GNL2: variants seen among roughly 807,000 people sequenced by gnomAD.
The protein encoded by GNL2 is G protein nucleolar 2.
GNL2 carries 51 observed loss-of-function variants against 92.3 expected under a neutral mutation model. The observed-to-expected ratio is 0.55, with a 90% CI of 0.44 to 0.70. The LOEUF is 0.70. GNL2 is among the 30% of genes least tolerant of loss of function. The pLI, the probability that GNL2 is intolerant of heterozygous loss-of-function variation, is 0.00. For synonymous variants in GNL2, 283 were observed against 300.6 expected, an observed-to-expected ratio of 0.94 and a Z score of 0.61; for missense variants, 844 against 895.6, an observed-to-expected ratio of 0.94 and a Z score of 0.74.
chr1:37,573,904 T>A (rs1025406303), intron 12 of GNL2, among the ~76,000 whole-genome samples: 3 of 152,184 alleles, frequency 2.0e-5, no homozygotes, highest in Admixed American at 6.5e-5. Flanking sequence ...AATTTTTTTT[T>A]ATTTTTTTGA....
At chr1:37,579,722 C>A (rs1445434451) in intron 8 of GNL2, among the ~76,000 whole-genome samples, 4 of 151,172 alleles carry the variant, frequency 2.6e-5, no homozygotes, top group Non-Finnish European at 4.4e-5. Flanking sequence ...ATGGTGAAAA[C>A]CCGTCTCTAC....
intron 12 of GNL2, among the ~76,000 whole-genome samples, chr1:37,572,786 C>T (rs1276910772): frequency 6.6e-6 from 1 of 152,168 alleles, no homozygotes; most frequent in Non-Finnish European, 1.5e-5. Context: ...GTTAGCCGGG[C>T]GTAAGTGTGG....
At chr1:37,572,431 C>T (rs544372664) in intron 12 of GNL2, among the ~76,000 whole-genome samples, 7 of 152,226 alleles carry the variant, frequency 4.6e-5, no homozygotes, top group African/African-American at 1.4e-4. Flanking sequence ...AGCACTTGAC[C>T]ACATGGTTGG....
intron 8 of GNL2, chr1:37,581,333 G>A (rs1329543104): frequency 2.2e-6 from 1 of 455,892 alleles, no homozygotes; most frequent in Non-Finnish European, 4.4e-6. Context: ...AATTCAAAAT[G>A]ACAGGTACAG....
chr1:37,579,103 A>G (rs1298523546), intron 8 of GNL2, among the ~76,000 whole-genome samples: 1 of 152,250 alleles, frequency 6.6e-6, no homozygotes, highest in African/African-American at 2.4e-5. Context: ...TGCAGACAGG[A>G]AAATTTCAAA....
chr1:37,575,554 C>G lies in GNL2; in HGVS notation c.1143+41G>C. 1 of 1,220,352 alleles carries G rather than the reference C, an allele frequency of 8.2e-7. No homozygotes were observed. The highest frequency in any genetic ancestry group is 1.2e-6 in the Non-Finnish European group (1 of 863,350). 75.6% of individuals were successfully genotyped at this position (1,220,352 alleles called of 1,614,324 possible). A position where few individuals can be genotyped will look rare whatever the true frequency, so the allele number is the denominator to read the frequency against. ...TATCCAGGGTTCCCTATAGAACACT[C>G]CCCCGCAAACACAAACAGCCTATCA... is the stretch of plus-strand genomic sequence containing the variant. On this transcript the variant is annotated intron_variant, in intron 10 of 15. Coordinates refer to ENST00000373062, the MANE Select transcript of GNL2 (RefSeq NM_013285.3). This position sits in a 1 kb window ranked among gnomAD's most constrained non-coding sequence, Gnocchi z 4.1.
chr1:37,578,316 G>A (rs573132063), intron 8 of GNL2, among the ~76,000 whole-genome samples: 9 of 151,964 alleles, frequency 5.9e-5, no homozygotes, highest in African/African-American at 2.2e-4. Flanking sequence ...GTGCTTGCCT[G>A]TACTCCCAGC....
rs1311296396 is a variant in GNL2 at position 37,576,548 on chromosome 1, A to G, written c.918T>C (p.Thr306=). The change falls in exon 9 of 16, where the codon ACT becomes ACC. Residue 306 remains threonine, a synonymous_variant. Transcript: ENST00000373062. ...QLLRQFGKLH[T]DKKQISVGFI... Reference sequence around the variant, plus strand: ...ACCCAACACTGATCTGTTTCTTGTCAGTGTGCAACTGTTCAAAGAGAGAAT... The same window carrying G: ...ACCCAACACTGATCTGTTTCTTGTCGGTGTGCAACTGTTCAAAGAGAGAAT... 6 of 1,613,770 alleles carry G rather than the reference A, an allele frequency of 3.7e-6. No individual in the cohort carries two copies. The highest frequency in any genetic ancestry group is 4.2e-6 in the Non-Finnish European group (5 of 1,179,928).
In GNL2 at chr1:37,587,990, A is replaced by C. The variant is rs149769189; in HGVS notation, c.385-495T>G. On this transcript the variant is annotated intron_variant, in intron 4 of 15. Transcript: ENST00000373062. Reference sequence around the variant, plus strand: ...AATGCCAACTTTTTCTTGGAAGTTAATTTCTTTCATGGCTAAAAGGAATTG... The same window carrying C: ...AATGCCAACTTTTTCTTGGAAGTTACTTTCTTTCATGGCTAAAAGGAATTG... Among the ~76,000 whole-genome samples the C allele has an allele frequency of 5.4e-3, 817 of 152,284 alleles. 5 individuals carry two copies. Among genetic ancestry groups the C allele is most frequent in the African/African-American group, 0.018 (748 of 41,560 alleles).
intron 12 of GNL2, 90 bp downstream of exon 12, chr1:37,574,253 T>C (rs1643639810): frequency 1.4e-6 from 1 of 693,528 alleles, no homozygotes; most frequent in African/African-American, 1.8e-5. Flanking sequence ...GCTGAATGAA[T>C]ACACGCTCTA....
rs1643921275 is a variant in GNL2, at chr1:37,595,910, C to A, written c.-88G>T. On this transcript the variant is annotated 5_prime_UTR_variant, in exon 1 of 16. Transcript: ENST00000373062. ...GTTCCCAAGCCCGGCCGAAGACACC[C>A]GCCTGAACCACGCCGGACCACGTGT... is the stretch of plus-strand genomic sequence containing the variant. The A allele has an allele frequency of 1.8e-6, 2 of 1,097,272 alleles. No homozygotes were observed. Among genetic ancestry groups the A allele is most frequent in the Admixed American group, 1.8e-5 (1 of 55,878 alleles). 68.0% of individuals were successfully genotyped at this position (1,097,272 alleles called of 1,614,324 possible).
chr1:37,568,094 AAAT>A (rs2148126355), intron 14 of GNL2, 178 bp downstream of exon 14: 2 of 599,468 alleles, frequency 3.3e-6, no homozygotes, highest in African/African-American at 1.9e-5. Flanking sequence ...TAATCCTAAA[AAAT>A]GTGCAGAATG....
chr1:37,590,117 T>G (rs574720564), intron 4 of GNL2, among the ~76,000 whole-genome samples: 11 of 152,064 alleles, frequency 7.2e-5, no homozygotes, highest in Non-Finnish European at 7.4e-5. Flanking sequence ...ATACTTTCTG[T>G]TTTTTTTAGA....
intron 1 of GNL2, among the ~76,000 whole-genome samples, chr1:37,594,417 T>C (rs1643908955): frequency 6.6e-6 from 1 of 152,226 alleles, no homozygotes; most frequent in Non-Finnish European, 1.5e-5. Context: ...TGATTTTTGT[T>C]TAATCAACAC....
Position 37,592,798 on chromosome 1 carries a change from C to A in GNL2, c.158G>T (p.Arg53Leu). Residue 53 changes from arginine to leucine, a missense_variant, in exon 3 of 16, where the codon CGT becomes CTT. Transcript: ENST00000373062. ...TTGCAGGGGTTTAATTATTTTACCACGACTGTTCCTAAATTGAGGAAAGAA... is the reference window on the plus strand; with the variant it reads ...TTGCAGGGGTTTAATTATTTTACCAAGACTGTTCCTAAATTGAGGAAAGAA... ...MYRQKERRNS[R>L]GKIIKPLQYQ... 1 of 1,590,054 alleles carries A rather than the reference C, an allele frequency of 6.3e-7. No homozygotes were observed. The highest frequency in any genetic ancestry group is 8.6e-7 in the Non-Finnish European group (1 of 1,158,228).
intron 3 of GNL2, 85 bp downstream of exon 3, chr1:37,592,626 CT>C: frequency 1.3e-6 from 1 of 744,930 alleles, no homozygotes; most frequent in Non-Finnish European, 2.4e-6. Flanking sequence ...TCACCAAAAA[CT>C]CCTGCTGTTT....
In GNL2 at chr1:37,575,107, T is replaced by C. The variant is rs1478500581; in HGVS notation, c.1144-284A>G. ...ACTTGGAATGCTTCATGTTACTCAC[T>C]TGCAGAAATGGTTAAAAGCCTGCCC... On this transcript the variant is annotated intron_variant, in intron 10 of 15. Coordinates refer to ENST00000373062, the MANE Select transcript of GNL2 (RefSeq NM_013285.3). This position sits in a 1 kb window ranked among gnomAD's most constrained non-coding sequence, Gnocchi z 4.1. 6.6e-6 allele frequency among the ~76,000 whole-genome samples: 1 copy of C among 152,156 alleles called. No homozygotes were observed. Among genetic ancestry groups the C allele is most frequent in the Non-Finnish European group, 1.5e-5 (1 of 68,026 alleles).
At chr1:37,571,777 C>T (rs1643597641) in intron 12 of GNL2, among the ~76,000 whole-genome samples, 1 of 152,004 alleles carries the variant, frequency 6.6e-6, no homozygotes, top group Non-Finnish European at 1.5e-5. Context: ...ATCTGAACTA[C>T]TTATCTACAC....
Position 37,569,150 on chromosome 1 carries a change from C to T in GNL2, c.1569G>A (p.Gln523=). The T allele has an allele frequency of 6.2e-7, 1 of 1,614,182 alleles. No homozygotes were observed. The highest frequency in any genetic ancestry group is 1.1e-5 in the South Asian group (1 of 91,090). ...TCTGCCGAACTCGTGTGAGAATCTG[C>T]TGCATCTCTGTGTTAGCATCACAGT... ...NSHCDANTEM[Q]QILTRVRQNF... The change falls in exon 13 of 16, where the codon CAG becomes CAA. Residue 523 remains glutamine (Q), a synonymous_variant. Coordinates refer to ENST00000373062, the MANE Select transcript of GNL2 (RefSeq NM_013285.3).
Sources: allele counts gnomAD v4.1 joint callset (sites outside exome capture counted in the v4.1 genomes callset), GRCh38; gene constraint gnomAD v4.1.1; non-coding constraint Gnocchi (gnomAD v3.1); transcripts MANE v1.5; gene names NCBI Gene and HGNC (gene_info 2026-07-23, HGNC 2026-07-21).